Variants in SGIP1 observed in about 807,000 individuals in gnomAD.
SGIP1 encodes SH3-containing GRB2-like protein 3-interacting protein 1.
Under a neutral mutation model 107.5 loss-of-function variants are expected in SGIP1, and 38 were observed. That is an observed-to-expected ratio of 0.35 (90% confidence interval 0.27 to 0.46). The LOEUF (loss-of-function observed/expected upper bound fraction) is 0.46. SGIP1 is among the 20% of genes least tolerant of loss of function. The pLI is 1.00. For missense variants in SGIP1, 929 were observed against 1,019.5 expected (o/e 0.91, Z 1.21); for synonymous variants, 365 against 366.1 (o/e 1.00, Z 0.03).
intron 1 of SGIP1, among the ~76,000 whole-genome samples, chr1:66,537,049 A>G (rs1228649976): frequency 6.6e-6 from 1 of 152,218 alleles, no homozygotes. Context: ...CCATCCAATC[A>G]TAGATGATAA....
At chr1:66,664,520 G>A (rs1392600010) in intron 8 of SGIP1, among the ~76,000 whole-genome samples, 4 of 152,008 alleles carry the variant, frequency 2.6e-5, no homozygotes, top group East Asian at 1.9e-4. Context: ...GAGAAATCAG[G>A]GATCTGAATT....
intron 1 of SGIP1, among the ~76,000 whole-genome samples, chr1:66,561,607 G>C (rs906485816): frequency 1.3e-5 from 2 of 152,018 alleles, no homozygotes; most frequent in East Asian, 3.9e-4. Context: ...ATTGTCTCAC[G>C]AGAAGTACCT....
At chr1:66,541,501 T>G (rs1056617305) in intron 1 of SGIP1, among the ~76,000 whole-genome samples, 13 of 152,356 alleles carry the variant, frequency 8.5e-5, no homozygotes, top group Middle Eastern at 3.4e-3. Context: ...AGCTGAGAGC[T>G]CAGCAACAAC....
chr1:66,599,059 A>G (rs1451580741), intron 1 of SGIP1, among the ~76,000 whole-genome samples: 1 of 152,182 alleles, frequency 6.6e-6, no homozygotes, highest in East Asian at 1.9e-4. Flanking sequence ...TCATTAGTAA[A>G]TAATTATGGT....
At chr1:66,542,220 T>C (rs2055143846) in intron 1 of SGIP1, among the ~76,000 whole-genome samples, 1 of 152,102 alleles carries the variant, frequency 6.6e-6, no homozygotes, top group Admixed American at 6.6e-5. Flanking sequence ...TTATCACAGG[T>C]AAAATTAAAT....
intron 1 of SGIP1, among the ~76,000 whole-genome samples, chr1:66,586,761 G>C (rs1467883740): frequency 2.6e-5 from 4 of 151,924 alleles, no homozygotes; most frequent in Admixed American, 1.3e-4. Context: ...CCATATTTTT[G>C]TTTACTGTGC....
At chr1:66,703,246 G>C (rs2092145911) in intron 18 of SGIP1, among the ~76,000 whole-genome samples, 1 of 152,116 alleles carries the variant, frequency 6.6e-6, no homozygotes, top group Non-Finnish European at 1.5e-5. Context: ...AGAAAGAGAA[G>C]AGTTCGGCAC....
chr1:66,651,738 A>G (rs2078794429), intron 7 of SGIP1, among the ~76,000 whole-genome samples: 1 of 152,160 alleles, frequency 6.6e-6, no homozygotes, highest in Non-Finnish European at 1.5e-5. Flanking sequence ...GGCTGAGTTG[A>G]CACCTTGCCA....
rs1424336413 is a variant in SGIP1, at chr1:66,743,062, T to G, written c.2465-11T>G. ...CCAGATAACCTGTTGACATGCTGTT[T>G]TGTTTTGCAGGAAAATACTTGGCAG... On this transcript the variant is annotated splice_polypyrimidine_tract_variant and intron_variant, in intron 24 of 24. Transcript: ENST00000371037. 1 of 1,613,652 alleles carries G rather than the reference T, an allele frequency of 6.2e-7. No individual in the cohort carries two copies. Among genetic ancestry groups the G allele is most frequent in the South Asian group, 1.1e-5 (1 of 91,068 alleles).
At chr1:66,670,827 T>G (rs1233346819) in intron 9 of SGIP1, among the ~76,000 whole-genome samples, 168 bp from the exon 10 acceptor site, 1 of 152,202 alleles carries the variant, frequency 6.6e-6, no homozygotes, top group Non-Finnish European at 1.5e-5. Context: ...AAAAACTGAT[T>G]TCTGTGTGTG....
At chr1:66,703,349 C>T (rs902134940) in intron 18 of SGIP1, among the ~76,000 whole-genome samples, 1 of 152,008 alleles carries the variant, frequency 6.6e-6, no homozygotes, top group African/African-American at 2.4e-5. Context: ...ACATTTATAC[C>T]TACATAGACT....
intron 7 of SGIP1, among the ~76,000 whole-genome samples, chr1:66,656,247 G>A (rs1157249130): frequency 3.3e-5 from 5 of 152,166 alleles, no homozygotes; most frequent in Non-Finnish European, 5.9e-5. Context: ...GCCTGCAGGG[G>A]CAATAACACA....
At chr1:66,549,137 G>GCCTTCCTTCCTTCCTT in intron 1 of SGIP1, among the ~76,000 whole-genome samples, 2 of 144,528 alleles carry the variant, frequency 1.4e-5, no homozygotes, top group South Asian at 2.3e-4. Flanking sequence ...CTGGCTACCT[G>GCCTTCCTTCCTTCCTT]CCTTCCTTCC....
At chr1:66,561,007 T>C (rs2058853905) in intron 1 of SGIP1, among the ~76,000 whole-genome samples, 1 of 152,028 alleles carries the variant, frequency 6.6e-6, no homozygotes, top group Non-Finnish European at 1.5e-5. Context: ...GCACCTGTAT[T>C]TACACATATT....
intron 7 of SGIP1, among the ~76,000 whole-genome samples, chr1:66,650,898 T>C (rs1468511902): frequency 6.6e-6 from 1 of 152,228 alleles, no homozygotes; most frequent in Non-Finnish European, 1.5e-5. Flanking sequence ...ATTAAGATAC[T>C]GTGCTCTGGA....
At chr1:66,627,184 T>A (rs2149328260) in intron 2 of SGIP1, among the ~76,000 whole-genome samples, 1 of 152,240 alleles carries the variant, frequency 6.6e-6, no homozygotes, top group South Asian at 2.1e-4. Context: ...TACAAGCAAC[T>A]AAGATGGGAT....
chr1:66,649,356 C>T (rs902285311), intron 7 of SGIP1, among the ~76,000 whole-genome samples: 6 of 152,206 alleles, frequency 3.9e-5, no homozygotes, highest in African/African-American at 1.4e-4. Flanking sequence ...AGTGCCAGCC[C>T]TGACCTCAGC....
At chr1:66,730,046 C>A (rs979578930) in intron 20 of SGIP1, among the ~76,000 whole-genome samples, 1 of 152,170 alleles carries the variant, frequency 6.6e-6, no homozygotes, top group African/African-American at 2.4e-5. Context: ...AAGTGATCTG[C>A]CTGCCTTGGC....
At chr1:66,696,919 CA>C (rs1240201044) in intron 18 of SGIP1, among the ~76,000 whole-genome samples, 4 of 152,200 alleles carry the variant, frequency 2.6e-5, no homozygotes, top group Non-Finnish European at 5.9e-5. Flanking sequence ...ACTACAGTTG[CA>C]TAAGTTGGTA....
Sources: allele counts gnomAD v4.1 joint callset (sites outside exome capture counted in the v4.1 genomes callset), GRCh38; gene constraint gnomAD v4.1.1; transcripts MANE v1.5; gene names NCBI Gene and HGNC (gene_info 2026-07-23, HGNC 2026-07-21).